Variants in PAWR observed in about 807,000 individuals in gnomAD.
PAWR encodes the protein pro-apoptotic WT1 regulator.
A neutral mutation model predicts 32.0 loss-of-function variants in PAWR; 23 were observed. The ratio of observed to expected loss-of-function variants is 0.72; its 90% CI spans 0.52 to 1.02. The LOEUF (loss-of-function observed/expected upper bound fraction) is 1.02, where lower values mean the gene tolerates loss of function less well. PAWR is among the 50% of genes least tolerant of loss of function. The probability of loss-of-function intolerance (pLI) is 0.00; values close to 1 mark genes in which losing one functional copy is unlikely to be tolerated. For missense variants in PAWR, 457 were observed against 437.7 expected, an observed-to-expected ratio of 1.04 and a Z score of -0.39; for synonymous variants, 226 against 187.1, an observed-to-expected ratio of 1.21 and a Z score of -1.70.
chr12:79,592,764 C>T (rs1873601742), intron 6 of PAWR, 71 bp from the exon 7 acceptor site: 1 of 608,428 alleles, frequency 1.6e-6, no homozygotes, highest in South Asian at 2.0e-5. Context: ...ACTTAATACA[C>T]ATTAAAAATA....
chr12:79,640,183 C>A (rs7134833), intron 2 of PAWR, among the ~76,000 whole-genome samples: 34,786 of 151,858 alleles, frequency 0.23, 10,774 homozygotes, highest in African/African-American at 0.71. Flanking sequence ...GATTTCAGGC[C>A]TGAGCCACCG....
chr12:79,621,858 T>C (rs8176865), intron 2 of PAWR, among the ~76,000 whole-genome samples: 3,353 of 152,262 alleles, frequency 0.022, 52 homozygotes, highest in Non-Finnish European at 0.036. Flanking sequence ...AACTCTACAC[T>C]TTCTACATAA....
chr12:79,606,001 A>G (rs1006953434), intron 4 of PAWR, among the ~76,000 whole-genome samples: 2 of 152,104 alleles, frequency 1.3e-5, no homozygotes, highest in Non-Finnish European at 2.9e-5. Flanking sequence ...TTGAACCCAC[A>G]ACGCGGGGGT....
chr12:79,684,971 C>T (rs1878616094), intron 2 of PAWR, among the ~76,000 whole-genome samples: 1 of 152,214 alleles, frequency 6.6e-6, no homozygotes, highest in Non-Finnish European at 1.5e-5. Context: ...AACATACCTT[C>T]TCTTCCCCAT....
intron 2 of PAWR, among the ~76,000 whole-genome samples, chr12:79,684,225 T>C (rs1374219285): frequency 6.6e-6 from 1 of 152,146 alleles, no homozygotes; most frequent in Non-Finnish European, 1.5e-5. Flanking sequence ...AATTTTATAC[T>C]TATAAAACAT....
intron 4 of PAWR, among the ~76,000 whole-genome samples, chr12:79,605,529 TA>T (rs376227942): frequency 5.3e-5 from 8 of 150,056 alleles, no homozygotes; most frequent in East Asian, 2.0e-4. Context: ...CTTTTTTTTT[TA>T]AAAAAAAAGC....
intron 4 of PAWR, among the ~76,000 whole-genome samples, chr12:79,610,530 CTA>C (rs1421566691): frequency 1.3e-5 from 2 of 152,040 alleles, no homozygotes; most frequent in Non-Finnish European, 2.9e-5. Flanking sequence ...TATATTTATG[CTA>C]CACTTCGTTT....
chr12:79,673,057 A>G (rs1877985688), intron 2 of PAWR, among the ~76,000 whole-genome samples: 1 of 152,158 alleles, frequency 6.6e-6, no homozygotes, highest in South Asian at 2.1e-4. Flanking sequence ...ACCATTATTA[A>G]GTGAGTCAAA....
At chr12:79,595,555 T>C (rs1241302152) in intron 5 of PAWR, among the ~76,000 whole-genome samples, 1 of 152,178 alleles carries the variant, frequency 6.6e-6, no homozygotes, top group Non-Finnish European at 1.5e-5. Flanking sequence ...TTTAAAATTA[T>C]GAAATAATAG....
rs1358673872 is a variant in PAWR, at chr12:79,585,524, T to C, written c.*7083A>G. ...TTGGACTCAAAGACTAGCTTTGTGA[T>C]ACAATGTCACCTTACCAATCTGTAC... On this transcript the variant is annotated 3_prime_UTR_variant, in exon 7 of 7. Transcript: ENST00000328827. 1 of 172,114 alleles carries C rather than the reference T, an allele frequency of 5.8e-6. No individual in the cohort carries two copies. Among genetic ancestry groups the C allele is most frequent in the African/African-American group, 2.4e-5 (1 of 41,608 alleles). The allele number at this position is 172,114 out of a possible 1,614,324, so 10.7% of individuals were successfully genotyped here.
chr12:79,585,012 T>C lies in PAWR; in HGVS notation c.*7595A>G, dbSNP rs532859997. The C allele has an allele frequency of 1.4e-5, 4 of 290,082 alleles. No individual in the cohort carries two copies. The highest frequency in any genetic ancestry group is 5.0e-5 in the Admixed American group (1 of 20,126). 18.0% of individuals were successfully genotyped at this position (290,082 alleles called of 1,614,324 possible). On this transcript the variant is annotated 3_prime_UTR_variant, in exon 7 of 7. Transcript: ENST00000328827. ...ACAGACAAACAATGATTTTATTCCA[T>C]AGTCTCTTGGACTTGAGAATCCATT...
Position 79,618,032 on chromosome 12 carries a change from C to A in PAWR, c.648+3044G>T, listed in dbSNP as rs150554756. On this transcript the variant is annotated intron_variant, in intron 3 of 6. Coordinates refer to ENST00000328827, the MANE Select transcript of PAWR (RefSeq NM_002583.4). Reference sequence around the variant, plus strand: ...CCTGTAGAAGTGTGAGACAATTTAACCTATTTTTCTTATAAATTATCCAAT... The same window carrying A: ...CCTGTAGAAGTGTGAGACAATTTAAACTATTTTTCTTATAAATTATCCAAT... Among the ~76,000 whole-genome samples the A allele has an allele frequency of 1.6e-3, 243 of 152,290 alleles. 6 individuals carry two copies. The East Asian group carries it at 0.04, about 25-fold the overall frequency.
chr12:79,635,522 T>G (rs1287935276), intron 2 of PAWR: 3 of 152,038 alleles, frequency 2.0e-5, no homozygotes, highest in Non-Finnish European at 4.4e-5. Flanking sequence ...AAAAATAAGT[T>G]TATAATTATC....
At chr12:79,646,678 T>A (rs762616432) in intron 2 of PAWR, among the ~76,000 whole-genome samples, 1 of 152,168 alleles carries the variant, frequency 6.6e-6, no homozygotes, top group African/African-American at 2.4e-5. Context: ...AAGAGAATTA[T>A]ATTCAGAGGT....
intron 2 of PAWR, among the ~76,000 whole-genome samples, chr12:79,661,866 C>T (rs1466027579): frequency 6.6e-6 from 1 of 152,032 alleles, no homozygotes; most frequent in East Asian, 1.9e-4. Flanking sequence ...AGGGTTACAG[C>T]TGCTTAATCA....
At chr12:79,642,229 C>A (rs1242300738) in intron 2 of PAWR, among the ~76,000 whole-genome samples, 1 of 152,044 alleles carries the variant, frequency 6.6e-6, no homozygotes, top group Non-Finnish European at 1.5e-5. Context: ...TTCTTGAAAG[C>A]TATTATACTT....
chr12:79,668,815 C>T (rs771450885), intron 2 of PAWR, among the ~76,000 whole-genome samples: 2 of 152,112 alleles, frequency 1.3e-5, no homozygotes, highest in African/African-American at 2.4e-5. Context: ...TGGACCAGTA[C>T]GGGTCTACGG....
At chr12:79,670,819 C>T (rs1877853672) in intron 2 of PAWR, among the ~76,000 whole-genome samples, 1 of 150,194 alleles carries the variant, frequency 6.7e-6, no homozygotes, top group South Asian at 2.1e-4. Flanking sequence ...GAAGAAAACA[C>T]AATTTATAAA....
At chr12:79,677,606 A>G (rs1468412212) in intron 2 of PAWR, among the ~76,000 whole-genome samples, 2 of 152,196 alleles carry the variant, frequency 1.3e-5, no homozygotes, top group African/African-American at 4.8e-5. Context: ...ATTTTTGCAC[A>G]ATCCTAGATT....
Sources: gnomAD v4.1 joint callset for allele counts (sites outside exome capture counted in the v4.1 genomes callset) on GRCh38, gnomAD v4.1.1 for gene constraint, MANE v1.5 for transcripts, NCBI Gene and HGNC (gene_info 2026-07-23, HGNC 2026-07-21) for gene names.